ZFHX3: variants seen among roughly 807,000 people sequenced by gnomAD.
ZFHX3 encodes zinc finger homeobox 3.
A neutral mutation model predicts 279.1 loss-of-function variants in ZFHX3; 42 were observed. The observed-to-expected ratio is 0.15, with a 90% confidence interval of 0.12 to 0.19. The LOEUF (loss-of-function observed/expected upper bound fraction) is 0.19, where lower values mean the gene tolerates loss of function less well. Ranked by LOEUF, ZFHX3 falls within the 10% of genes least tolerant of loss-of-function variation. The pLI is 1.00. For synonymous variants in ZFHX3, 2,293 were observed against 1,957.8 expected (o/e 1.17, Z -4.52); for missense variants, 4,981 against 4,754.0 (o/e 1.05, Z -1.40).
chr16:72,847,665 A>T (rs1357159363), intron 4 of ZFHX3, among the ~76,000 whole-genome samples: 1 of 151,994 alleles, frequency 6.6e-6, no homozygotes, highest in Non-Finnish European at 1.5e-5. Context: ...CAGAGGAGTG[A>T]ATTCCTTTCC....
chr16:73,207,115 G>A (rs2011838949), intron 5 of ZFHX3, among the ~76,000 whole-genome samples: 1 of 151,448 alleles, frequency 6.6e-6, no homozygotes, highest in African/African-American at 2.4e-5. Context: ...TGGTAACAAG[G>A]GAATTGACTC....
chr16:73,569,647 T>G (rs1418046568), intron 2 of ZFHX3, among the ~76,000 whole-genome samples: 1 of 152,206 alleles, frequency 6.6e-6, no homozygotes, highest in Non-Finnish European at 1.5e-5. Context: ...TCCTCTTGAG[T>G]ACTTCCATGC....
chr16:73,055,844 C>T (rs1965544560), intron 1 of ZFHX3, among the ~76,000 whole-genome samples: 1 of 94,724 alleles, frequency 1.1e-5, no homozygotes, highest in Non-Finnish European at 2.2e-5. Context: ...ATACCTACAA[C>T]TCTACACACA....
intron 1 of ZFHX3, among the ~76,000 whole-genome samples, chr16:73,732,246 A>T (rs1262325812): frequency 6.6e-6 from 1 of 152,226 alleles, no homozygotes; most frequent in Non-Finnish European, 1.5e-5. Flanking sequence ...ATTAACACCC[A>T]GGCTTTGTTA....
chr16:73,676,503 A>C (rs2052955811), intron 2 of ZFHX3, among the ~76,000 whole-genome samples: 1 of 152,094 alleles, frequency 6.6e-6, no homozygotes, highest in Non-Finnish European at 1.5e-5. Flanking sequence ...CATATACTTC[A>C]TAAAATACTA....
At chr16:72,800,467 G>GA (rs1357923090) in intron 7 of ZFHX3, among the ~76,000 whole-genome samples, 1 of 152,190 alleles carries the variant, frequency 6.6e-6, no homozygotes, top group Non-Finnish European at 1.5e-5. Flanking sequence ...TAGATAAGTT[G>GA]AAAGGCCCAC....
intron 3 of ZFHX3, among the ~76,000 whole-genome samples, chr16:72,912,881 C>T (rs1426458170): frequency 5.3e-5 from 8 of 152,162 alleles, no homozygotes; most frequent in Non-Finnish European, 1.0e-4. Flanking sequence ...CACACCACCA[C>T]ACCTGGCTAA....
chr16:73,465,516 C>T (rs977364701), intron 2 of ZFHX3, among the ~76,000 whole-genome samples: 4 of 150,300 alleles, frequency 2.7e-5, no homozygotes, highest in African/African-American at 5.0e-5. Context: ...CTTACCTGCT[C>T]CTTCTCCGGT....
intron 5 of ZFHX3, among the ~76,000 whole-genome samples, chr16:73,168,280 G>A (rs932884239): frequency 9.0e-5 from 2 of 22,284 alleles, no homozygotes; most frequent in Non-Finnish European, 9.2e-5. Flanking sequence ...TCTTTCTTTC[G>A]AGACAAAGTC....
At chr16:73,237,516 A>C (rs1035981644) in intron 5 of ZFHX3, among the ~76,000 whole-genome samples, 1 of 144,126 alleles carries the variant, frequency 6.9e-6, no homozygotes, top group African/African-American at 2.6e-5. Flanking sequence ...GGTGTGAGCC[A>C]CCAAATGCAG....
intron 1 of ZFHX3, among the ~76,000 whole-genome samples, chr16:73,873,315 T>C (rs1298023665): frequency 1.4e-5 from 2 of 147,818 alleles, no homozygotes; most frequent in African/African-American, 5.0e-5. Flanking sequence ...TGGTGGGTGG[T>C]AGTGGGTGGT....
chr16:73,211,844 AGG>A (rs1400659785), intron 5 of ZFHX3, among the ~76,000 whole-genome samples: 8 of 151,836 alleles, frequency 5.3e-5, no homozygotes, highest in Admixed American at 2.6e-4. Flanking sequence ...AATGGCAGGG[AGG>A]GGGGTGGCAA....
At chr16:73,776,087 A>C (rs150257979) in intron 1 of ZFHX3, among the ~76,000 whole-genome samples, 207 of 152,352 alleles carry the variant, frequency 1.4e-3, no homozygotes, top group African/African-American at 4.7e-3. Context: ...CTGTGAAACA[A>C]AAATAGACCT....
chr16:73,085,672 A>G (rs1966002634), intron 8 of ZFHX3, among the ~76,000 whole-genome samples: 2 of 152,316 alleles, frequency 1.3e-5, no homozygotes, highest in Admixed American at 6.5e-5. Context: ...ACCATAAATA[A>G]ACATCAATCA....
intron 1 of ZFHX3, among the ~76,000 whole-genome samples, chr16:73,722,897 C>G (rs541098752): frequency 1.3e-4 from 20 of 152,286 alleles, no homozygotes; most frequent in Non-Finnish European, 2.4e-4. Flanking sequence ...TCCTAGCAGA[C>G]AGGTGGAATT....
At chr16:73,510,672 G>T (rs138039031) in intron 2 of ZFHX3, among the ~76,000 whole-genome samples, 1 of 152,202 alleles carries the variant, frequency 6.6e-6, no homozygotes, top group African/African-American at 2.4e-5. Context: ...GCAGCATGTG[G>T]TATTGTGCAG....
At chr16:73,881,745 C>T (rs953373174) in intron 1 of ZFHX3, among the ~76,000 whole-genome samples, 21 of 151,346 alleles carry the variant, frequency 1.4e-4, no homozygotes, top group Non-Finnish European at 1.8e-4. Flanking sequence ...TGTGTGTGTG[C>T]GTATGTATAT....
intron 5 of ZFHX3, among the ~76,000 whole-genome samples, chr16:73,253,455 C>CT (rs377414876): frequency 0.73 from 94,835 of 129,550 alleles, 33,043 homozygotes; most frequent in South Asian, 0.89. Flanking sequence ...CTTTCTTTCT[C>CT]TTTTTTTTTT....
intron 2 of ZFHX3, among the ~76,000 whole-genome samples, chr16:73,588,695 C>CA (rs2051953529): frequency 1.2e-5 from 1 of 85,404 alleles, no homozygotes. Context: ...GTCTCAAAAA[C>CA]AAAAAACAAA....
Sources: allele counts gnomAD v4.1 joint callset (sites outside exome capture counted in the v4.1 genomes callset), GRCh38; gene constraint gnomAD v4.1.1; transcripts MANE v1.5; gene names NCBI Gene and HGNC (gene_info 2026-07-23, HGNC 2026-07-21).